Variants in UNC80 observed in about 807,000 individuals in gnomAD.
The protein encoded by UNC80 is unc-80 subunit of NALCN channel complex, also known as protein unc-80 homolog.
In UNC80, 164 loss-of-function variants were observed where a neutral mutation model predicts 384.6. The observed-to-expected ratio is 0.43, with a 90% CI of 0.38 to 0.49. The LOEUF is 0.49. Ranked by LOEUF, UNC80 falls within the 20% of genes least tolerant of loss-of-function variation. UNC80 has a pLI of 0.00. For missense variants in UNC80, 3,330 were observed against 4,143.0 expected (o/e 0.80, Z 5.39); for synonymous variants, 1,486 against 1,527.8 (o/e 0.97, Z 0.64).
At chr2:209,778,961 T>G (rs2077013382) in intron 4 of UNC80, among the ~76,000 whole-genome samples, 1 of 152,236 alleles carries the variant, frequency 6.6e-6, no homozygotes, top group Non-Finnish European at 1.5e-5. Flanking sequence ...CCATTAACTC[T>G]GTCCATTGCT....
chr2:209,912,438 A>G (rs971734915), intron 29 of UNC80, 122 bp from the exon 30 acceptor site: 63 of 507,604 alleles, frequency 1.2e-4, no homozygotes, highest in Admixed American at 1.0e-3. Flanking sequence ...TGGACCCACA[A>G]AAAGGCCTTT....
intron 53 of UNC80, chr2:209,970,268 G>C (rs16843987): frequency 0.024 from 4,915 of 205,940 alleles, 262 homozygotes; most frequent in African/African-American, 0.11. Context: ...TTTCTCTTAT[G>C]GTGCAAAATG....
rs112901511 is a variant in UNC80, at chr2:209,936,694, C to G, written c.6274-150C>G. On this transcript the variant is annotated intron_variant, in intron 40 of 64. Transcript: ENST00000673920. Reference sequence around the variant, plus strand: ...CACATATACACACACACATATCTAACGTATACAGTTTACATAAGACATCAA... The same window carrying G: ...CACATATACACACACACATATCTAAGGTATACAGTTTACATAAGACATCAA... 1.0e-3 allele frequency: 622 copies of G among 611,804 alleles called. 1 individual carries two copies. Among genetic ancestry groups the G allele is most frequent in the African/African-American group, 0.01 (540 of 53,962 alleles). 37.9% of individuals were successfully genotyped at this position (611,804 alleles called of 1,614,324 possible).
chr2:209,886,388 G>C (rs1227951206), intron 25 of UNC80, among the ~76,000 whole-genome samples: 2 of 151,438 alleles, frequency 1.3e-5, no homozygotes, highest in Non-Finnish European at 2.9e-5. Flanking sequence ...GACTAGCCTG[G>C]ACAACATAGC....
intron 4 of UNC80, among the ~76,000 whole-genome samples, chr2:209,781,997 C>T (rs2077176573): frequency 6.6e-6 from 1 of 152,140 alleles, no homozygotes; most frequent in South Asian, 2.1e-4. Context: ...CATTTTTTCT[C>T]CTAAATATTG....
chr2:209,810,879 C>A (rs551929397), intron 7 of UNC80, among the ~76,000 whole-genome samples: 1 of 152,028 alleles, frequency 6.6e-6, no homozygotes, highest in South Asian at 2.1e-4. Flanking sequence ...CTAAAATTAC[C>A]CAGCTGGTAG....
At chr2:209,919,332 A>G (rs985907602) in intron 33 of UNC80, among the ~76,000 whole-genome samples, 2 of 152,218 alleles carry the variant, frequency 1.3e-5, no homozygotes, top group East Asian at 3.8e-4. Context: ...TAGAAAAAAG[A>G]ACACCTCTTT....
At chr2:209,883,147 T>C (rs1574876195) in intron 25 of UNC80, among the ~76,000 whole-genome samples, 2 of 152,184 alleles carry the variant, frequency 1.3e-5, no homozygotes, top group Admixed American at 6.5e-5. Flanking sequence ...TAGTTGGTAG[T>C]AAAGAAAACT....
At chr2:209,944,346 C>T (rs2091806706) in intron 45 of UNC80, among the ~76,000 whole-genome samples, 1 of 152,196 alleles carries the variant, frequency 6.6e-6, no homozygotes, top group African/African-American at 2.4e-5. Flanking sequence ...CACCATATCA[C>T]ATGTTATATC....
chr2:209,806,475 T>G (rs2078907558), intron 7 of UNC80, among the ~76,000 whole-genome samples: 1 of 152,256 alleles, frequency 6.6e-6, no homozygotes, highest in Non-Finnish European at 1.5e-5. Flanking sequence ...CACCCACATG[T>G]GTTAATTAGA....
At chr2:209,975,487 G>A (rs576612679) in intron 56 of UNC80, among the ~76,000 whole-genome samples, 7 of 152,304 alleles carry the variant, frequency 4.6e-5, no homozygotes, top group Admixed American at 2.0e-4. Flanking sequence ...AGTAACAGAC[G>A]TAGTGTGTGA....
At chr2:209,959,754 C>T (rs1287778290) in intron 51 of UNC80, 47 bp downstream of exon 51, 6 of 1,519,132 alleles carry the variant, frequency 3.9e-6, no homozygotes, top group Non-Finnish European at 5.3e-6. Context: ...CAGCTTGGCC[C>T]ATGTGTCTGA....
intron 22 of UNC80, chr2:209,869,383 A>G (rs781588011): frequency 1.3e-5 from 2 of 152,192 alleles, no homozygotes; most frequent in Non-Finnish European, 2.9e-5. Flanking sequence ...CCTCATAGCC[A>G]CACTCACACC....
In UNC80 at chr2:209,918,039, A is replaced by G. The variant is rs28655347; in HGVS notation, c.5211+81A>G. The G allele has an allele frequency of 2.1e-3, 2,724 of 1,322,748 alleles. 40 individuals carry two copies. The African/African-American group carries it at 0.036, about 18-fold the overall frequency. 81.9% of individuals were successfully genotyped at this position (1,322,748 alleles called of 1,614,324 possible). On this transcript the variant is annotated intron_variant, in intron 32 of 64. Transcript: ENST00000673920. ...TTAAACCGTTGAACCTCAAAGTCAC[A>G]GTATGTGGCCAAAGATATTCTTCTT...
At chr2:209,945,327 C>G in intron 46 of UNC80, 138 bp downstream of exon 46, 1 of 889,416 alleles carries the variant, frequency 1.1e-6, no homozygotes, top group Non-Finnish European at 1.6e-6. Flanking sequence ...ATAAATGGAA[C>G]AGTAGTAGAA....
chr2:209,846,260 A>G (rs564365654), intron 21 of UNC80, among the ~76,000 whole-genome samples: 22 of 152,170 alleles, frequency 1.4e-4, no homozygotes, highest in Non-Finnish European at 3.1e-4. Flanking sequence ...TCAATAAATA[A>G]AAACTGTATC....
At chr2:209,813,442 G>C in intron 7 of UNC80, 138 bp from the exon 8 acceptor site, 1 of 869,064 alleles carries the variant, frequency 1.2e-6, no homozygotes, top group Non-Finnish European at 1.7e-6. Context: ...CAGTTGGAAG[G>C]ATATTAGAGT....
At chr2:209,953,950 C>G in intron 47 of UNC80, 150 bp from the exon 48 acceptor site, 1 of 792,062 alleles carries the variant, frequency 1.3e-6, no homozygotes, top group East Asian at 2.8e-5. Flanking sequence ...ACATTTCCAG[C>G]AGCTTTAACT....
intron 47 of UNC80, among the ~76,000 whole-genome samples, chr2:209,953,898 C>T (rs1482284562): frequency 3.3e-5 from 5 of 152,158 alleles, no homozygotes; most frequent in East Asian, 3.8e-4. Context: ...CAAGATTCAT[C>T]GCCTTTTAGC....
Sources: gnomAD v4.1 joint callset for allele counts (sites outside exome capture counted in the v4.1 genomes callset) on GRCh38, gnomAD v4.1.1 for gene constraint, MANE v1.5 for transcripts, NCBI Gene and HGNC (gene_info 2026-07-23, HGNC 2026-07-21) for gene names.